The following SLC14A2 variants were observed in gnomAD, a reference collection of about 807,000 sequenced individuals.
The protein encoded by SLC14A2 is solute carrier family 14 member 2, also known as urea transporter 2.
In SLC14A2, 91 loss-of-function variants were observed where a neutral mutation model predicts 104.6. The ratio of observed to expected loss-of-function variants is 0.87; its 90% CI spans 0.73 to 1.04. The LOEUF (loss-of-function observed/expected upper bound fraction) is 1.04, where lower values mean the gene tolerates loss of function less well. SLC14A2 is among the 50% of genes least tolerant of loss of function. SLC14A2 has a pLI of 0.00. For synonymous variants in SLC14A2, 476 were observed against 466.4 expected, an observed-to-expected ratio of 1.02 and a Z score of -0.27; for missense variants, 1,189 against 1,156.0, an observed-to-expected ratio of 1.03 and a Z score of -0.41.
intron 1 of SLC14A2, among the ~76,000 whole-genome samples, chr18:45,309,093 T>C (rs2085052634): frequency 6.6e-6 from 1 of 152,188 alleles, no homozygotes; most frequent in African/African-American, 2.4e-5. Flanking sequence ...TTGAGAGATT[T>C]GGTTTTTAAG....
At chr18:45,491,247 C>G (rs761263381) in intron 2 of SLC14A2, among the ~76,000 whole-genome samples, 24 of 152,142 alleles carry the variant, frequency 1.6e-4, no homozygotes, top group Non-Finnish European at 2.8e-4. Flanking sequence ...TGTACAGGCA[C>G]AGCAGTGAGT....
chr18:45,459,601 C>T (rs936439816), intron 1 of SLC14A2, among the ~76,000 whole-genome samples: 3 of 152,194 alleles, frequency 2.0e-5, no homozygotes, highest in African/African-American at 4.8e-5. Flanking sequence ...GCATATACCA[C>T]CTGCAGCCTG....
intron 1 of SLC14A2, among the ~76,000 whole-genome samples, chr18:45,225,325 G>A (rs2084104080): frequency 6.6e-6 from 1 of 152,026 alleles, no homozygotes; most frequent in South Asian, 2.1e-4. Flanking sequence ...TATTTCTGAG[G>A]GCTCTGTTCT....
In SLC14A2 at chr18:45,624,680, A is replaced by G; in HGVS notation, c.16A>G (p.Ser6Gly). 6.2e-7 allele frequency: 1 copy of G among 1,612,390 alleles called. No homozygotes were observed. Residue 6 changes from serine (S) to glycine (G), a missense_variant, in exon 2 of 20, where the codon AGC (serine) becomes GGC (glycine). Coordinates refer to ENST00000255226, the MANE Select transcript of SLC14A2 (RefSeq NM_007163.4). ...ACCCGAAGGAATGTCTGACCCCCAC[A>G]GCAGTCCTCTCCTGCCAGAGCCACT... MSDPH[S>G]SPLLPEPLSS...
At chr18:45,593,460 A>G (rs1237294323) in intron 2 of SLC14A2, among the ~76,000 whole-genome samples, 1 of 150,162 alleles carries the variant, frequency 6.7e-6, no homozygotes, top group Non-Finnish European at 1.5e-5. Flanking sequence ...ACATTCTGAG[A>G]TATGATAACT....
At chr18:45,604,095 C>A (rs1379384756) in intron 2 of SLC14A2, among the ~76,000 whole-genome samples, 1 of 152,230 alleles carries the variant, frequency 6.6e-6, no homozygotes. Context: ...GTCACTCACA[C>A]CTATAATTCA....
At chr18:45,329,964 G>A (rs1357882564) in intron 1 of SLC14A2, among the ~76,000 whole-genome samples, 1 of 152,182 alleles carries the variant, frequency 6.6e-6, no homozygotes, top group East Asian at 1.9e-4. Context: ...TTGAGGTTAT[G>A]TTGTGTGCAG....
rs185687318 is a variant in SLC14A2, at chr18:45,393,579, A to T, written c.-124-89654A>T. Among the ~76,000 whole-genome samples, 12 of 152,306 alleles carry T rather than the reference A, an allele frequency of 7.9e-5. No individual in the cohort carries two copies. The East Asian group carries it at 2.3e-3, about 29-fold the overall frequency. ...GGAAATACTCAAAAACCTTTGAAAG[A>T]TCACTATCCCAAGAAGGTGGGAGGG... is the stretch of plus-strand genomic sequence containing the variant. On this transcript the variant is annotated intron_variant, in intron 1 of 20. Coordinates refer to the SLC14A2 transcript ENST00000586448.
At chr18:45,590,171 G>GCCCAGGGTC (rs1469982800) in intron 2 of SLC14A2, among the ~76,000 whole-genome samples, 1 of 152,164 alleles carries the variant, frequency 6.6e-6, no homozygotes, top group East Asian at 1.9e-4. Flanking sequence ...GGAGTAACTT[G>GCCCAGGGTC]CCCAGGGTCC....
chr18:45,342,883 G>C (rs1332756139), intron 1 of SLC14A2, among the ~76,000 whole-genome samples: 2 of 152,166 alleles, frequency 1.3e-5, no homozygotes. Context: ...TCTACTTCTA[G>C]TTATAGAACT....
chr18:45,263,258 G>A (rs996626080), intron 1 of SLC14A2, among the ~76,000 whole-genome samples: 21 of 152,154 alleles, frequency 1.4e-4, no homozygotes, highest in Admixed American at 4.6e-4. Flanking sequence ...ATGTTTTCTC[G>A]TGATTGGATT....
intron 2 of SLC14A2, among the ~76,000 whole-genome samples, chr18:45,537,535 G>C (rs1156400170): frequency 1.3e-5 from 2 of 152,234 alleles, no homozygotes; most frequent in African/African-American, 2.4e-5. Context: ...AAGTGAGCAA[G>C]TGGGGAGAGA....
chr18:45,343,101 G>A (rs978025071), intron 1 of SLC14A2, among the ~76,000 whole-genome samples: 2 of 149,538 alleles, frequency 1.3e-5, no homozygotes, highest in Non-Finnish European at 1.5e-5. Flanking sequence ...ACCTACCTGA[G>A]TTAGTCCTAT....
chr18:45,182,110 T>C, the SLC14A2 span, among the ~76,000 whole-genome samples: 1 of 152,010 alleles, frequency 6.6e-6, no homozygotes, highest in Non-Finnish European at 1.5e-5. Flanking sequence ...CAAGTAAGTT[T>C]CAGAGGATTA....
At chr18:45,392,187 A>G (rs2085976802) in intron 1 of SLC14A2, among the ~76,000 whole-genome samples, 1 of 152,154 alleles carries the variant, frequency 6.6e-6, no homozygotes, top group Admixed American at 6.5e-5. Context: ...AAGACACTCA[A>G]ACTACCCAAG....
chr18:45,577,661 G>T (rs2044434533), intron 2 of SLC14A2, among the ~76,000 whole-genome samples: 2 of 152,158 alleles, frequency 1.3e-5, no homozygotes, highest in African/African-American at 4.8e-5. Flanking sequence ...TGTTCTGACT[G>T]TAAAATGAAA....
In SLC14A2 at chr18:45,673,896, G is replaced by A. The variant is rs575862824; in HGVS notation, c.2512+79G>A. 121 of 1,410,474 alleles carry A rather than the reference G, an allele frequency of 8.6e-5. No homozygotes were observed. The African/African-American group carries it at 1.7e-3, about 19-fold the overall frequency. The allele number at this position is 1,410,474 out of a possible 1,614,324, so 87.4% of individuals were successfully genotyped here. On this transcript the variant is annotated intron_variant, in intron 18 of 19. Transcript: ENST00000255226. ...AACTGTTTTTTTATGTTTTTTAATG[G>A]TTATTTAGTAATTAATAGATTAAAC...
intron 2 of SLC14A2, among the ~76,000 whole-genome samples, chr18:45,541,495 T>C (rs1001158454): frequency 3.3e-5 from 5 of 152,364 alleles, no homozygotes; most frequent in Admixed American, 2.6e-4. Context: ...GGGCCAGACC[T>C]GTGTCTGTGG....
chr18:45,183,906 A>AC, the SLC14A2 span, among the ~76,000 whole-genome samples: 1 of 62,698 alleles, frequency 1.6e-5, no homozygotes, highest in African/African-American at 6.7e-5. Context: ...TAATTTTCTA[A>AC]TTTTTTTTTT....
Sources: allele counts gnomAD v4.1 joint callset (sites outside exome capture counted in the v4.1 genomes callset), GRCh38; gene constraint gnomAD v4.1.1; transcripts MANE v1.5; gene names NCBI Gene and HGNC (gene_info 2026-07-23, HGNC 2026-07-21).